Variants in ITPK1 observed in about 807,000 individuals in gnomAD.
ITPK1 encodes inositol 1,3,4-trisphosphate 5/6-kinase.
In ITPK1, 21 loss-of-function variants were observed where a neutral mutation model predicts 45.3. That is an observed-to-expected ratio of 0.46 (90% confidence interval 0.33 to 0.67). The LOEUF (loss-of-function observed/expected upper bound fraction) is 0.67, where lower values mean the gene tolerates loss of function less well. ITPK1 is among the 30% of genes least tolerant of loss of function. The probability of loss-of-function intolerance (pLI) is 0.02; values close to 1 mark genes in which losing one functional copy is unlikely to be tolerated. For missense variants in ITPK1, 474 were observed against 573.5 expected (o/e 0.83, Z 1.77); for synonymous variants, 258 against 253.6 (o/e 1.02, Z -0.16).
chr14:93,019,572 G>A (rs1477793454), intron 3 of ITPK1, among the ~76,000 whole-genome samples: 14 of 152,308 alleles, frequency 9.2e-5, no homozygotes, highest in Admixed American at 7.8e-4. Context: ...GCCTCTCGCT[G>A]TGGCGTCTGT....
At position 92,937,005 on chromosome 14, in the gene ITPK1, T is replaced by C. The variant is rs1887162001; in HGVS notation, c.*4556A>G. 1 of 152,236 alleles carries C rather than the reference T, an allele frequency of 6.6e-6. No individual in the cohort carries two copies. The highest frequency in any genetic ancestry group is 2.1e-4 in the South Asian group (1 of 4,826). 9.4% of individuals were successfully genotyped at this position (152,236 alleles called of 1,614,324 possible). On this transcript the variant is annotated 3_prime_UTR_variant, in exon 11 of 11. Transcript: ENST00000267615. ...TTACAGAAATAAACACAACATTAACTGTACTCCACTAGACCGTTAGAAATC... is the reference window on the plus strand; with the variant it reads ...TTACAGAAATAAACACAACATTAACCGTACTCCACTAGACCGTTAGAAATC...
intron 3 of ITPK1, among the ~76,000 whole-genome samples, chr14:93,046,184 G>A (rs1889764455): frequency 6.6e-6 from 1 of 152,336 alleles, no homozygotes; most frequent in African/African-American, 2.4e-5. Context: ...CTGACCACAA[G>A]TTCCAAACAG....
intron 3 of ITPK1, among the ~76,000 whole-genome samples, chr14:93,017,247 C>G (rs1486460469): frequency 6.6e-6 from 1 of 152,228 alleles, no homozygotes; most frequent in East Asian, 1.9e-4. Context: ...CAGATCAGAA[C>G]TTAGATCTAA....
chr14:92,958,348 G>A lies in ITPK1; in HGVS notation c.523C>T (p.Gln175Ter). The A allele has an allele frequency of 6.2e-7, 1 of 1,614,140 alleles. No homozygotes were observed. Among genetic ancestry groups the A allele is most frequent in the Non-Finnish European group, 8.5e-7 (1 of 1,180,018 alleles). Residue 175 changes from glutamine to a stop codon, truncating the protein, a stop_gained, in exon 8 of 11, where the codon CAG (glutamine) becomes TAG (stop). Coordinates refer to ENST00000267615, the MANE Select transcript of ITPK1 (RefSeq NM_014216.6). LOFTEE classifies it high-confidence loss of function. This position sits in a 1 kb window ranked among gnomAD's most constrained non-coding sequence, Gnocchi z 4.4. ...GGCTGGATGGCGTTCAGGCCCTCCT[G>A]GTTGAACACGATAGCCATCTGGGAA... ...NSHEMAIVFN[Q>*]EGLNAIQPPC...
rs1891240836 is a variant in ITPK1 at position 93,076,847 on chromosome 14, A to AG, written c.96-229dup. Among the ~76,000 whole-genome samples, 5 of 152,108 alleles carry AG rather than the reference A, an allele frequency of 3.3e-5. No individual in the cohort carries two copies. The South Asian group carries it at 1.0e-3, about 32-fold the overall frequency. On this transcript the variant is annotated intron_variant, in intron 2 of 10. Coordinates refer to ENST00000267615, the MANE Select transcript of ITPK1 (RefSeq NM_014216.6). This position sits in a 1 kb window ranked among gnomAD's most constrained non-coding sequence, Gnocchi z 4.3. ...CTGGCTCTGCAGAGGGACTTGCTGG[A>AG]GTCCTCTGGAGGCCCCACGCCAGCC...
intron 3 of ITPK1, among the ~76,000 whole-genome samples, chr14:93,074,455 C>A (rs981403919): frequency 6.6e-6 from 1 of 152,252 alleles, no homozygotes; most frequent in Non-Finnish European, 1.5e-5. Flanking sequence ...TCTCCTCGAG[C>A]GGTGGGGGTG....
Position 92,941,464 on chromosome 14 carries a change from A to C in ITPK1, c.*97T>G. On this transcript the variant is annotated 3_prime_UTR_variant, in exon 11 of 11. Transcript: ENST00000267615. ...AATTAAAAAACAGAAGAATCAGATC[A>C]CTGGGGATTCTTAGTAGTAGCATCG... 7.0e-7 allele frequency: 1 copy of C among 1,435,098 alleles called. No individual in the cohort carries two copies. Among genetic ancestry groups the C allele is most frequent in the Non-Finnish European group, 9.1e-7 (1 of 1,101,644 alleles). The allele number at this position is 1,435,098 out of a possible 1,614,324, so 88.9% of individuals were successfully genotyped here. A position where few individuals can be genotyped will look rare whatever the true frequency, so the allele number is the denominator to read the frequency against.
chr14:92,951,074 C>T (rs1403989196), intron 9 of ITPK1, among the ~76,000 whole-genome samples: 1 of 152,218 alleles, frequency 6.6e-6, no homozygotes, highest in South Asian at 2.1e-4. Context: ...GAGGCTGGTT[C>T]GTTGGAGAGG....
chr14:92,979,713 C>CATAT (rs1886122496), intron 5 of ITPK1, among the ~76,000 whole-genome samples: 1 of 152,076 alleles, frequency 6.6e-6, no homozygotes, highest in Non-Finnish European at 1.5e-5. Context: ...TTCCTGAGGC[C>CATAT]TCCCTGGCCA....
intron 9 of ITPK1, among the ~76,000 whole-genome samples, chr14:92,947,038 G>T (rs942371420): frequency 6.6e-6 from 1 of 152,220 alleles, no homozygotes; most frequent in Admixed American, 6.5e-5. Flanking sequence ...GCCAGCAGCT[G>T]CGGGACATGG....
chr14:92,968,006 C>A (rs1427986778), intron 5 of ITPK1, among the ~76,000 whole-genome samples: 1 of 152,090 alleles, frequency 6.6e-6, no homozygotes, highest in Non-Finnish European at 1.5e-5. Context: ...TGAATATAAT[C>A]AAAACTACAG....
rs1052638483 is a variant in ITPK1 at position 92,940,830 on chromosome 14, A to G, written c.*731T>C. The G allele has an allele frequency of 5.8e-5, 75 of 1,286,566 alleles. 2 individuals are homozygous for G. The South Asian group carries it at 8.9e-4, about 15-fold the overall frequency. The allele number at this position is 1,286,566 out of a possible 1,614,324, so 79.7% of individuals were successfully genotyped here. A position where few individuals can be genotyped will look rare whatever the true frequency, so the allele number is the denominator to read the frequency against. On this transcript the variant is annotated 3_prime_UTR_variant, in exon 11 of 11. Coordinates refer to ENST00000267615, the MANE Select transcript of ITPK1 (RefSeq NM_014216.6). ...CCAGGCAGCCTCCTTCCCGGGCTCCAGGGAGCAGCAGTGCTGGCTTAGGGG... is the reference window on the plus strand; with the variant it reads ...CCAGGCAGCCTCCTTCCCGGGCTCCGGGGAGCAGCAGTGCTGGCTTAGGGG...
chr14:92,962,906 C>A (rs780560878), intron 5 of ITPK1, 57 bp from the exon 6 acceptor site: 542 of 1,241,344 alleles, frequency 4.4e-4, no homozygotes, highest in Non-Finnish European at 6.0e-4. Context: ...CCCAGGTGCA[C>A]GTCCTGTGAC....
At chr14:92,960,296 G>A (rs1369537583) in intron 7 of ITPK1, among the ~76,000 whole-genome samples, 2 of 152,110 alleles carry the variant, frequency 1.3e-5, no homozygotes, top group Non-Finnish European at 2.9e-5. Context: ...TGAGAGTCCC[G>A]AGGCCCATCA....
chr14:93,035,396 G>A (rs1235785876), intron 3 of ITPK1, among the ~76,000 whole-genome samples: 2 of 152,238 alleles, frequency 1.3e-5, no homozygotes, highest in African/African-American at 4.8e-5. Context: ...AAAGGAGATG[G>A]CAGGTAAGCT....
chr14:93,111,918 AGCC>A (rs1892771260), intron 2 of ITPK1, among the ~76,000 whole-genome samples: 3 of 152,084 alleles, frequency 2.0e-5, no homozygotes, highest in Non-Finnish European at 2.9e-5. Flanking sequence ...TGGCTAGCAG[AGCC>A]CCATCCTATC....
chr14:93,099,278 C>A (rs1892215025), intron 2 of ITPK1, among the ~76,000 whole-genome samples: 1 of 152,148 alleles, frequency 6.6e-6, no homozygotes, highest in South Asian at 2.1e-4. Context: ...TAGTTCACAG[C>A]TGCTCCAGGC....
At chr14:93,001,080 C>T (rs900697261) in intron 4 of ITPK1, among the ~76,000 whole-genome samples, 6 of 151,294 alleles carry the variant, frequency 4.0e-5, no homozygotes, top group African/African-American at 1.5e-4. Context: ...GAGTTCAAAA[C>T]CAGCCAGTTA....
At chr14:92,998,073 G>C (rs1185072554) in intron 4 of ITPK1, among the ~76,000 whole-genome samples, 1 of 152,234 alleles carries the variant, frequency 6.6e-6, no homozygotes, top group Non-Finnish European at 1.5e-5. Flanking sequence ...CCTGAGTCCA[G>C]ATTCTGCCTC....
Sources: gnomAD v4.1 joint callset for allele counts (sites outside exome capture counted in the v4.1 genomes callset) on GRCh38, gnomAD v4.1.1 for gene constraint, Gnocchi (gnomAD v3.1) non-coding constraint, MANE v1.5 for transcripts, NCBI Gene and HGNC (gene_info 2026-07-23, HGNC 2026-07-21) for gene names.